GRM4: variants seen among roughly 807,000 people sequenced by gnomAD.
GRM4 encodes the protein metabotropic glutamate receptor 4.
A neutral mutation model predicts 81.7 loss-of-function variants in GRM4; 28 were observed. The ratio of observed to expected loss-of-function variants is 0.34; its 90% CI spans 0.25 to 0.47. The LOEUF (loss-of-function observed/expected upper bound fraction) is 0.47. GRM4 is among the 20% of genes least tolerant of loss of function. The probability of loss-of-function intolerance (pLI) is 1.00; values close to 1 mark genes in which losing one functional copy is unlikely to be tolerated. For missense variants in GRM4, 948 were observed against 1,290.0 expected, an observed-to-expected ratio of 0.73 and a Z score of 4.06; for synonymous variants, 488 against 528.8, an observed-to-expected ratio of 0.92 and a Z score of 1.06.
At chr6:34,146,304 C>T (rs1277720901), upstream of GRM4, among the ~76,000 whole-genome samples, 3 of 152,230 alleles carry the variant, frequency 2.0e-5, no homozygotes, top group African/African-American at 7.2e-5. Flanking sequence ...ACACTTTCCA[C>T]AGAGCCCCCT....
In GRM4 at chr6:34,022,679, G is replaced by T. The variant is rs536648324; in HGVS notation, c.*142C>A. 7 of 702,516 alleles carry T rather than the reference G, an allele frequency of 1.0e-5. No individual in the cohort carries two copies. The Admixed American group carries it at 1.5e-4, about 16-fold the overall frequency. The allele number at this position is 702,516 out of a possible 1,614,324, so 43.5% of individuals were successfully genotyped here. Reference sequence around the variant, plus strand: ...AGGCTGCCAGCAGTGATGGCTGGGGGCTCTGCTATCCTCAGCACCAAGCCA... The same window carrying T: ...AGGCTGCCAGCAGTGATGGCTGGGGTCTCTGCTATCCTCAGCACCAAGCCA... On this transcript the variant is annotated 3_prime_UTR_variant, in exon 11 of 11. Coordinates refer to ENST00000538487, the MANE Select transcript of GRM4 (RefSeq NM_000841.4). This position sits in a 1 kb window ranked among gnomAD's most constrained non-coding sequence, Gnocchi z 5.6.
chr6:34,110,557 C>T, intron 2 of GRM4: 1 of 602,136 alleles, frequency 1.7e-6, no homozygotes, highest in Non-Finnish European at 2.9e-6. Context: ...ACACCATCCA[C>T]ATCTCTGATT....
At position 34,056,488 on chromosome 6, in the gene GRM4, G is replaced by A. The variant is rs1224819800; in HGVS notation, c.1168+56C>T. ...CTCTCGGCCTCAGGCCCCCAGGCTCGGCCCTCCCCGGCTCCTCCTAGAGCC... is the reference window on the plus strand; with the variant it reads ...CTCTCGGCCTCAGGCCCCCAGGCTCAGCCCTCCCCGGCTCCTCCTAGAGCC... On this transcript the variant is annotated intron_variant, in intron 6 of 10. Transcript: ENST00000538487. 10 of 1,498,848 alleles carry A rather than the reference G, an allele frequency of 6.7e-6. 1 individual carries two copies. The highest frequency in any genetic ancestry group is 7.3e-6 in the Non-Finnish European group (8 of 1,092,626). The allele number at this position is 1,498,848 out of a possible 1,614,324, so 92.8% of individuals were successfully genotyped here. A position where few individuals can be genotyped will look rare whatever the true frequency, so the allele number is the denominator to read the frequency against.
intron 2 of GRM4, among the ~76,000 whole-genome samples, chr6:34,094,132 A>AACAGCAAT (rs1461261394): frequency 6.6e-6 from 1 of 152,240 alleles, no homozygotes; most frequent in Non-Finnish European, 1.5e-5. Context: ...GGGTAAAAAC[A>AACAGCAAT]ACAGCAATAA....
At position 34,110,717 on chromosome 6, in the gene GRM4, G is replaced by T. The variant is rs889575004; in HGVS notation, c.520-18618C>A. ...CTGCCTCAGCCTCCCCGCTGTGCCG[G>T]GGTGCTGGGCTGGTAGCACCTGCAG... On this transcript the variant is annotated intron_variant, in intron 2 of 10. Transcript: ENST00000538487. 1.4e-5 allele frequency: 22 copies of T among 1,521,570 alleles called. 1 individual carries two copies. In the Middle Eastern group the frequency reaches 6.7e-4, roughly 47 times the overall value. The allele number at this position is 1,521,570 out of a possible 1,614,324, so 94.3% of individuals were successfully genotyped here.
intron 9 of GRM4, among the ~76,000 whole-genome samples, chr6:34,028,605 G>A (rs917774925): frequency 1.4e-4 from 21 of 152,216 alleles, no homozygotes; most frequent in African/African-American, 4.3e-4. Context: ...CGTATAATGT[G>A]GGCGTGATAA....
chr6:34,078,875 C>T lies in GRM4; in HGVS notation c.736+13008G>A, dbSNP rs935872249. 2.0e-5 allele frequency among the ~76,000 whole-genome samples: 3 copies of T among 152,232 alleles called. No homozygotes were observed. The highest frequency in any genetic ancestry group is 3.4e-3 in the Middle Eastern group (1 of 294). ...ATATCCATATGATCATTCTGTCTAC[C>T]GCAAAATGGGGCACAGATATAATGG... On this transcript the variant is annotated intron_variant, in intron 3 of 10. Coordinates refer to ENST00000538487, the MANE Select transcript of GRM4 (RefSeq NM_000841.4). This position sits in a 1 kb window ranked among gnomAD's most constrained non-coding sequence, Gnocchi z 4.8.
rs56326901 is a variant in GRM4 at position 34,111,114 on chromosome 6, TACACACACACACACAC to T, written c.520-19031_520-19016del. Reference sequence around the variant, plus strand: ...GAGGAGGAGACACACACAGGCCACATACACACACACACACACACACACACACACACACACACACACG... The same window carrying T: ...GAGGAGGAGACACACACAGGCCACATACACACACACACACACACACACACG... On this transcript the variant is annotated intron_variant, in intron 2 of 10. Coordinates refer to ENST00000538487, the MANE Select transcript of GRM4 (RefSeq NM_000841.4). This position sits in a 1 kb window ranked among gnomAD's most constrained non-coding sequence, Gnocchi z 5.1. The T allele has an allele frequency of 2.4e-3, 345 of 144,008 alleles. No individual in the cohort carries two copies. Among genetic ancestry groups the T allele is most frequent in the Middle Eastern group, 0.021 (6 of 284 alleles). 8.9% of individuals were successfully genotyped at this position (144,008 alleles called of 1,614,324 possible).
chr6:34,043,751 T>C (rs1223277872), intron 6 of GRM4, among the ~76,000 whole-genome samples: 9 of 152,092 alleles, frequency 5.9e-5, no homozygotes, highest in Admixed American at 5.9e-4. Context: ...CACGAAGCCA[T>C]CAGTATGGAT....
chr6:34,081,677 C>T (rs1440803050), intron 3 of GRM4, among the ~76,000 whole-genome samples: 1 of 152,178 alleles, frequency 6.6e-6, no homozygotes, highest in Non-Finnish European at 1.5e-5. Context: ...CTGGACATCC[C>T]CGCCCCAGGG....
At chr6:34,103,055 C>T (rs1768923945) in intron 2 of GRM4, among the ~76,000 whole-genome samples, 1 of 152,242 alleles carries the variant, frequency 6.6e-6, no homozygotes, top group South Asian at 2.1e-4. Flanking sequence ...GCATCCCTCA[C>T]CTCCTGGGGC....
At chr6:34,104,360 C>A (rs574453045) in intron 2 of GRM4, among the ~76,000 whole-genome samples, 35 of 152,326 alleles carry the variant, frequency 2.3e-4, no homozygotes, top group Admixed American at 2.2e-3. Flanking sequence ...CTGGAGTGTT[C>A]GTGTCATCAT....
Position 34,114,487 on chromosome 6 carries a change from C to T in GRM4, c.519+18491G>A, listed in dbSNP as rs779469320. Among the ~76,000 whole-genome samples the T allele has an allele frequency of 2.6e-5, 4 of 152,128 alleles. No individual in the cohort carries two copies. Among genetic ancestry groups the T allele is most frequent in the Non-Finnish European group, 5.9e-5 (4 of 68,018 alleles). ...CCTCCAGTCCACACCCAAAGGAATA[C>T]TTTTAACTCCCAAATCCAAGCAGGC... On this transcript the variant is annotated intron_variant, in intron 2 of 10. Coordinates refer to ENST00000538487, the MANE Select transcript of GRM4 (RefSeq NM_000841.4). The surrounding 1 kb of genome is among the most constrained non-coding windows in gnomAD (Gnocchi z 4.3).
rs942895097 is a variant in GRM4 at position 34,019,485 on chromosome 6, T to C, written c.*3336A>G. The C allele has an allele frequency of 1.3e-5, 2 of 152,210 alleles. No homozygotes were observed. Among genetic ancestry groups the C allele is most frequent in the African/African-American group, 2.4e-5 (1 of 41,434 alleles). The allele number at this position is 152,210 out of a possible 1,614,324, so 9.4% of individuals were successfully genotyped here. A position where few individuals can be genotyped will look rare whatever the true frequency, so the allele number is the denominator to read the frequency against. On this transcript the variant is annotated 3_prime_UTR_variant, in exon 11 of 11. Transcript: ENST00000538487. ...CCCATCTGCTGGGGAGCTTTTAAAATATGCCCGTGCCCAGCCCTCCCCCCA... is the reference window on the plus strand; with the variant it reads ...CCCATCTGCTGGGGAGCTTTTAAAACATGCCCGTGCCCAGCCCTCCCCCCA...
In GRM4 at chr6:34,074,843, C is replaced by G. The variant is rs1014360648; in HGVS notation, c.737-12815G>C. 6.6e-5 allele frequency among the ~76,000 whole-genome samples: 10 copies of G among 152,164 alleles called. No homozygotes were observed. Among genetic ancestry groups the G allele is most frequent in the African/African-American group, 2.2e-4 (9 of 41,430 alleles). On this transcript the variant is annotated intron_variant, in intron 3 of 10. Coordinates refer to ENST00000538487, the MANE Select transcript of GRM4 (RefSeq NM_000841.4). This position sits in a 1 kb window ranked among gnomAD's most constrained non-coding sequence, Gnocchi z 4.9. ...GATGGGGCAGGACACAAAGAGATGGCTGGTTCCTGGCCCCCACCAAAAGCC... is the reference window on the plus strand; with the variant it reads ...GATGGGGCAGGACACAAAGAGATGGGTGGTTCCTGGCCCCCACCAAAAGCC...
rs1397759602 is a variant in GRM4 at position 34,130,066 on chromosome 6, C to T, written c.519+2912G>A. Among the ~76,000 whole-genome samples the T allele has an allele frequency of 6.6e-6, 1 of 152,134 alleles. No homozygotes were observed. The highest frequency in any genetic ancestry group is 1.5e-5 in the Non-Finnish European group (1 of 68,018). On this transcript the variant is annotated intron_variant, in intron 2 of 10. Coordinates refer to ENST00000538487, the MANE Select transcript of GRM4 (RefSeq NM_000841.4). This position sits in a 1 kb window ranked among gnomAD's most constrained non-coding sequence, Gnocchi z 4.1. ...CCTGGTGGTGGGCGCAGGTCCCCTC[C>T]CCCAAGGCATCCCTCCCTCACCCTC...
intron 6 of GRM4, among the ~76,000 whole-genome samples, chr6:34,052,149 C>T (rs913659015): frequency 3.3e-5 from 5 of 152,200 alleles, no homozygotes; most frequent in Non-Finnish European, 5.9e-5. Flanking sequence ...GAATTAATGG[C>T]CTCTCGGAGC....
At chr6:34,104,632 G>A (rs944243453) in intron 2 of GRM4, among the ~76,000 whole-genome samples, 22 of 152,238 alleles carry the variant, frequency 1.4e-4, no homozygotes, top group African/African-American at 4.3e-4. Context: ...CACACACTGC[G>A]TGTCCATTCC....
rs201477272 is a variant in GRM4 at position 34,059,153 on chromosome 6, C to A, written c.873-25G>T. ...CCTGTAGGAACATACACCAGCCCAG[C>A]CCAGCCGCGTCTGTCCACGAAACTG... is the stretch of plus-strand genomic sequence containing the variant. On this transcript the variant is annotated intron_variant, in intron 4 of 10. Coordinates refer to ENST00000538487, the MANE Select transcript of GRM4 (RefSeq NM_000841.4). The surrounding 1 kb of genome is among the most constrained non-coding windows in gnomAD (Gnocchi z 5.7). 5.6e-6 allele frequency: 9 copies of A among 1,611,612 alleles called. No individual in the cohort carries two copies. In the East Asian group the frequency reaches 1.8e-4, roughly 32 times the overall value.
Sources: allele counts gnomAD v4.1 joint callset (sites outside exome capture counted in the v4.1 genomes callset), GRCh38; gene constraint gnomAD v4.1.1; non-coding constraint Gnocchi (gnomAD v3.1); transcripts MANE v1.5; gene names NCBI Gene and HGNC (gene_info 2026-07-23, HGNC 2026-07-21).